SYBU: variants seen among roughly 807,000 people sequenced by gnomAD.
SYBU encodes syntabulin.
In SYBU, 21 loss-of-function variants were observed where a neutral mutation model predicts 35.9. The ratio of observed to expected loss-of-function variants is 0.58; its 90% CI spans 0.41 to 0.84. The LOEUF (loss-of-function observed/expected upper bound fraction) is 0.84. Ranked by LOEUF, SYBU falls within the 40% of genes least tolerant of loss-of-function variation. The pLI is 0.00. For missense variants in SYBU, 768 were observed against 848.2 expected (o/e 0.91, Z 1.17); for synonymous variants, 319 against 324.3 (o/e 0.98, Z 0.18).
chr8:109,656,111 G>A (rs978894391), intron 1 of SYBU, among the ~76,000 whole-genome samples: 71 of 122,370 alleles, frequency 5.8e-4, no homozygotes, highest in Admixed American at 1.4e-3. Flanking sequence ...GCGAGACTCC[G>A]TCTCAAAAAA....
intron 2 of SYBU, 52 bp from the exon 3 acceptor site, chr8:109,619,091 G>A: frequency 2.1e-6 from 3 of 1,454,730 alleles, no homozygotes; most frequent in Non-Finnish European, 1.9e-6. Flanking sequence ...AATCAATGAT[G>A]GTGAGAAGCC....
At position 109,578,037 on chromosome 8, in the gene SYBU, G is replaced by T; in HGVS notation, c.735-20C>A. Reference sequence around the variant, plus strand: ...GAACGCCTGAAACAATCCAAGTAATGAAATGTTACTTTTTGCCGTTTCCTT... The same window carrying T: ...GAACGCCTGAAACAATCCAAGTAATTAAATGTTACTTTTTGCCGTTTCCTT... On this transcript the variant is annotated intron_variant, in intron 5 of 6. Transcript: ENST00000276646. 1 of 1,593,082 alleles carries T rather than the reference G, an allele frequency of 6.3e-7. No individual in the cohort carries two copies. The highest frequency in any genetic ancestry group is 8.5e-7 in the Non-Finnish European group (1 of 1,169,916).
At chr8:109,669,617 C>G (rs1816902578) in intron 1 of SYBU, among the ~76,000 whole-genome samples, 1 of 152,138 alleles carries the variant, frequency 6.6e-6, no homozygotes, top group African/African-American at 2.4e-5. Context: ...TTAAATGCTT[C>G]TTTGGGTTGA....
intron 3 of SYBU, chr8:109,603,407 C>G: frequency 1.0e-6 from 1 of 985,310 alleles, no homozygotes; most frequent in Non-Finnish European, 1.2e-6. Flanking sequence ...CCTTGGACTC[C>G]TTTAGTGGAA....
intron 4 of SYBU, among the ~76,000 whole-genome samples, chr8:109,585,543 T>C (rs1311699025): frequency 6.6e-6 from 1 of 152,156 alleles, no homozygotes; most frequent in Non-Finnish European, 1.5e-5. Flanking sequence ...GTGTGCTCTA[T>C]GGGGTGGCCA....
At chr8:109,667,105 T>C (rs560846577) in intron 1 of SYBU, among the ~76,000 whole-genome samples, 2 of 152,286 alleles carry the variant, frequency 1.3e-5, no homozygotes, top group East Asian at 3.9e-4. Flanking sequence ...ATTATTGTTA[T>C]TACTATTGTT....
chr8:109,684,714 C>A (rs1387333439), upstream of SYBU, among the ~76,000 whole-genome samples: 7 of 152,162 alleles, frequency 4.6e-5, no homozygotes, highest in Non-Finnish European at 1.0e-4. Flanking sequence ...CTGGAGTCCC[C>A]ACAAAACCTT....
chr8:109,642,657 A>C, intron 2 of SYBU, 71 bp downstream of exon 2: 2 of 1,029,938 alleles, frequency 1.9e-6, no homozygotes, highest in Non-Finnish European at 2.8e-6. Context: ...GGGACCCAGT[A>C]TGGGCCCATT....
chr8:109,598,679 ACTAT>A (rs1056537232), intron 3 of SYBU, among the ~76,000 whole-genome samples: 7 of 152,354 alleles, frequency 4.6e-5, no homozygotes, highest in East Asian at 1.9e-4. Flanking sequence ...GGCACTGTAG[ACTAT>A]CTAAGTAATG....
At chr8:109,688,393 T>C (rs962746544) in intron 1 of SYBU, among the ~76,000 whole-genome samples, 7 of 152,182 alleles carry the variant, frequency 4.6e-5, no homozygotes, top group African/African-American at 1.4e-4. Context: ...CAGGAACCTT[T>C]CTTTCCTTTG....
intron 3 of SYBU, among the ~76,000 whole-genome samples, chr8:109,611,810 A>G (rs745594375): frequency 1.7e-4 from 26 of 152,234 alleles, no homozygotes; most frequent in Non-Finnish European, 2.8e-4. Context: ...ATTTGCATCC[A>G]AATGGCCTTG....
chr8:109,595,347 A>C (rs1824745929), intron 3 of SYBU, among the ~76,000 whole-genome samples: 1 of 152,214 alleles, frequency 6.6e-6, no homozygotes, highest in Non-Finnish European at 1.5e-5. Context: ...TATTGACTGA[A>C]TATCCCAATT....
At chr8:109,618,719 A>G in intron 3 of SYBU, 123 bp downstream of exon 3, 7 of 888,262 alleles carry the variant, frequency 7.9e-6, no homozygotes, top group Non-Finnish European at 1.1e-5. Context: ...TTTAAAAATG[A>G]TGCTTTAGAT....
Position 109,612,977 on chromosome 8 carries a change from T to TA in SYBU, c.427+5864dup, listed in dbSNP as rs752877654. ...CCTGGGTGACAGAGAAAGACTCTGT[T>TA]AAAAAAAAAAAAAAAAAAAGAAGAA... On this transcript the variant is annotated intron_variant, in intron 3 of 6. Transcript: ENST00000276646. Among the ~76,000 whole-genome samples, 703 of 79,666 alleles carry TA rather than the reference T, an allele frequency of 8.8e-3. 3 individuals are homozygous for TA. The highest frequency in any genetic ancestry group is 0.014 in the East Asian group (39 of 2,716). 52.3% of individuals were successfully genotyped at this position (79,666 alleles called of 152,430 possible). A position where few individuals can be genotyped will look rare whatever the true frequency, so the allele number is the denominator to read the frequency against.
upstream of SYBU, chr8:109,648,733 G>T (rs1212114315): frequency 6.6e-6 from 1 of 151,578 alleles, no homozygotes; most frequent in Non-Finnish European, 1.5e-5. Context: ...GGCTGACAAA[G>T]CACCATCTCC....
chr8:109,681,251 T>C (rs557501956), upstream of SYBU, among the ~76,000 whole-genome samples: 156 of 152,310 alleles, frequency 1.0e-3, 5 homozygotes, highest in South Asian at 0.03. Context: ...TTTTCATTAA[T>C]GTACATAAAA....
chr8:109,687,411 C>G (rs1310599094), intron 1 of SYBU, among the ~76,000 whole-genome samples: 1 of 152,160 alleles, frequency 6.6e-6, no homozygotes, highest in Non-Finnish European at 1.5e-5. Context: ...AATCTCATCT[C>G]ATACAAATAG....
upstream of SYBU, among the ~76,000 whole-genome samples, chr8:109,682,404 G>A (rs1389791956): frequency 1.3e-5 from 2 of 152,176 alleles, no homozygotes; most frequent in Non-Finnish European, 2.9e-5. Flanking sequence ...GGTTTCAGAT[G>A]GAGATGAGGA....
upstream of SYBU, chr8:109,646,260 A>G (rs964065169): frequency 2.6e-5 from 4 of 152,214 alleles, no homozygotes; most frequent in Admixed American, 6.5e-5. Flanking sequence ...AGTGTCCTAC[A>G]TAGGAGGACT....
Sources: allele counts gnomAD v4.1 joint callset (sites outside exome capture counted in the v4.1 genomes callset), GRCh38; gene constraint gnomAD v4.1.1; transcripts MANE v1.5; gene names NCBI Gene and HGNC (gene_info 2026-07-23, HGNC 2026-07-21).